ACACA: variants seen among roughly 807,000 people sequenced by gnomAD.
The protein encoded by ACACA is acetyl-CoA carboxylase 1.
ACACA carries 103 observed loss-of-function variants against 296.1 expected under a neutral mutation model. The ratio of observed to expected loss-of-function variants is 0.35; its 90% CI spans 0.30 to 0.41. The LOEUF is 0.41. ACACA is among the 10% of genes least tolerant of loss of function. The probability of loss-of-function intolerance (pLI) is 1.00; values close to 1 mark genes in which losing one functional copy is unlikely to be tolerated. For synonymous variants in ACACA, 953 were observed against 1,038.6 expected, an observed-to-expected ratio of 0.92 and a Z score of 1.58; for missense variants, 1,554 against 2,989.7, an observed-to-expected ratio of 0.52 and a Z score of 11.20.
chr17:37,191,258 A>ATT lies in ACACA; in HGVS notation c.4433_4434insAA (p.Tyr1478Ter). The part of the protein sequence containing the change: ...DLVTKEASFE[Y>*]LQNEGERLLL... ...GTAGCCGCTCCCCTTCATTTTGCAG[A>ATT]TATTCAAAAGAAGCTTCCTATACAG... is the stretch of plus-strand genomic sequence containing the variant. Residue 1478 changes from tyrosine (Y) to a stop codon, truncating the protein, a stop_gained and frameshift_variant, in exon 38 of 56, where the codon TAT (tyrosine) becomes TAAAT (stop). Coordinates refer to ENST00000616317, the MANE Select transcript of ACACA (RefSeq NM_198834.3). LOFTEE classifies it high-confidence loss of function. 1 of 1,614,068 alleles carries ATT rather than the reference A, an allele frequency of 6.2e-7. No homozygotes were observed.
At chr17:37,287,326 T>C (rs2082822762) in intron 3 of ACACA, among the ~76,000 whole-genome samples, 1 of 152,190 alleles carries the variant, frequency 6.6e-6, no homozygotes, top group African/African-American at 2.4e-5. Flanking sequence ...AGTCTTTCTT[T>C]CTTCTCTGAG....
intron 21 of ACACA, among the ~76,000 whole-genome samples, chr17:37,244,007 CAT>C (rs1357417799): frequency 6.6e-6 from 1 of 152,174 alleles, no homozygotes; most frequent in Non-Finnish European, 1.5e-5. Context: ...AGCCAACTAT[CAT>C]AGAGTACTTT....
intron 34 of ACACA, 100 bp from the exon 35 acceptor site, chr17:37,200,283 T>A: frequency 7.2e-7 from 1 of 1,383,124 alleles, no homozygotes; most frequent in Non-Finnish European, 1.0e-6. Context: ...GTTAAACTAA[T>A]GTTTTTTAAA....
At chr17:37,208,333 A>G (rs1008604611) in intron 30 of ACACA, among the ~76,000 whole-genome samples, 11 of 152,202 alleles carry the variant, frequency 7.2e-5, no homozygotes, top group Non-Finnish European at 1.6e-4. Context: ...GGTTTAGTAA[A>G]TAATTATATA....
intron 33 of ACACA, among the ~76,000 whole-genome samples, chr17:37,201,668 AAC>A (rs1363730036): frequency 6.6e-6 from 1 of 152,192 alleles, no homozygotes; most frequent in Non-Finnish European, 1.5e-5. Context: ...GACCTGAGAA[AAC>A]ATATGAATAG....
At position 37,130,072 on chromosome 17, in the gene ACACA, C is replaced by T. The variant is rs1206915163; in HGVS notation, c.5823+3G>A. 5 of 1,613,958 alleles carry T rather than the reference C, an allele frequency of 3.1e-6. No individual in the cohort carries two copies. The highest frequency in any genetic ancestry group is 4.2e-6 in the Non-Finnish European group (5 of 1,179,966). ...ATGTCAGTGCTGGGTAGGAAGGGCT[C>T]ACCTTGGGCATGTAAGACAGCCAGT... On this transcript the variant is annotated splice_donor_region_variant and intron_variant, in intron 46 of 55. Coordinates refer to ENST00000616317, the MANE Select transcript of ACACA (RefSeq NM_198834.3).
chr17:37,358,862 A>C (rs1187937983), intron 1 of ACACA: 13 of 822,372 alleles, frequency 1.6e-5, no homozygotes, highest in Non-Finnish European at 1.8e-5. Flanking sequence ...CCCGCACCCG[A>C]TCTGGATAGT....
chr17:37,306,008 ACACCATTCTCCTGCCTCAGCCTCCCGAG>A (rs2146948006), intron 3 of ACACA, among the ~76,000 whole-genome samples: 1 of 144,192 alleles, frequency 6.9e-6, no homozygotes, highest in Non-Finnish European at 1.5e-5. Context: ...TCCTGGGTTC[ACACCATTCTCCTGCCTCAGCCTCCCGAG>A]CAGCCGGGAC....
At chr17:37,100,010 CAG>C in intron 52 of ACACA, among the ~76,000 whole-genome samples, 1 of 152,126 alleles carries the variant, frequency 6.6e-6, no homozygotes, top group East Asian at 1.9e-4. Context: ...TATTAACAGA[CAG>C]AATATTTGTG....
intron 3 of ACACA, among the ~76,000 whole-genome samples, chr17:37,288,862 C>T (rs2146678537): frequency 6.6e-6 from 1 of 152,102 alleles, no homozygotes; most frequent in Admixed American, 6.6e-5. Context: ...CACACCACTG[C>T]ACTCCAGCCT....
At chr17:37,257,511 A>T (rs1420159075) in intron 14 of ACACA, among the ~76,000 whole-genome samples, 192 bp downstream of exon 14, 1 of 152,208 alleles carries the variant, frequency 6.6e-6, no homozygotes, top group Non-Finnish European at 1.5e-5. Context: ...AAACAGAAAA[A>T]CATCTGCCAA....
chr17:37,354,270 A>G lies in ACACA; in HGVS notation c.39-14420T>C, dbSNP rs541672774. Among the ~76,000 whole-genome samples, 39 of 152,332 alleles carry G rather than the reference A, an allele frequency of 2.6e-4. 1 individual carries two copies. Among genetic ancestry groups the G allele is most frequent in the Admixed American group, 9.8e-4 (15 of 15,300 alleles). On this transcript the variant is annotated intron_variant, in intron 1 of 55. Transcript: ENST00000616317. ...TATGGCATGCTAAAAGGATGGAATG[A>G]GTCTAAGTCTCAACATCATCGAAAG...
chr17:37,256,865 C>T (rs1169348468), intron 14 of ACACA, among the ~76,000 whole-genome samples: 1 of 151,948 alleles, frequency 6.6e-6, no homozygotes, highest in Non-Finnish European at 1.5e-5. Context: ...TACTAATAAA[C>T]ACTTATTAAT....
intron 1 of ACACA, among the ~76,000 whole-genome samples, chr17:37,381,667 G>A (rs1179396278): frequency 4.2e-5 from 5 of 120,172 alleles, no homozygotes; most frequent in African/African-American, 9.7e-5. Context: ...TCGCTCCGTT[G>A]CCCAGGCTGG....
chr17:37,111,405 A>G, intron 52 of ACACA, 126 bp downstream of exon 52: 1 of 768,256 alleles, frequency 1.3e-6, no homozygotes, highest in South Asian at 1.4e-5. Context: ...CATATAGAGG[A>G]CAGTAAATAA....
chr17:37,136,423 G>T (rs1178058360), intron 45 of ACACA, among the ~76,000 whole-genome samples: 2 of 152,130 alleles, frequency 1.3e-5, no homozygotes, highest in Non-Finnish European at 2.9e-5. Flanking sequence ...CCATTTTATG[G>T]AAGTACCACA....
rs1056069612 is a variant in ACACA at position 37,210,615 on chromosome 17, A to C, written c.3684-125T>G. On this transcript the variant is annotated intron_variant, in intron 29 of 55. Transcript: ENST00000616317. ...TTGGCAGCTCTGGCATTCAGCAGAC[A>C]TAATTAAGTGCTCATTACCCTTCAA... is the stretch of plus-strand genomic sequence containing the variant. The C allele has an allele frequency of 7.5e-5, 64 of 855,960 alleles. No homozygotes were observed. In the Admixed American group the frequency reaches 1.2e-3, roughly 15 times the overall value. The allele number at this position is 855,960 out of a possible 1,614,324, so 53.0% of individuals were successfully genotyped here.
chr17:37,360,871 GA>G (rs926402079), intron 1 of ACACA, among the ~76,000 whole-genome samples: 2 of 151,968 alleles, frequency 1.3e-5, no homozygotes, highest in Non-Finnish European at 2.9e-5. Flanking sequence ...TTGACTCACC[GA>G]AAAAAATGGC....
intron 40 of ACACA, 72 bp downstream of exon 40, chr17:37,181,129 C>A: frequency 4.5e-6 from 7 of 1,566,090 alleles, no homozygotes; most frequent in Non-Finnish European, 6.2e-6. Context: ...CTAGCCAAAA[C>A]CGCATCTGAT....
Sources: allele counts gnomAD v4.1 joint callset (sites outside exome capture counted in the v4.1 genomes callset), GRCh38; gene constraint gnomAD v4.1.1; transcripts MANE v1.5; gene names NCBI Gene and HGNC (gene_info 2026-07-23, HGNC 2026-07-21).